ERC2: variants seen among roughly 807,000 people sequenced by gnomAD.
The protein encoded by ERC2 is ELKS/RAB6-interacting/CAST family member 2.
ERC2 carries 42 observed loss-of-function variants against 114.8 expected under a neutral mutation model. The observed-to-expected ratio is 0.37, with a 90% CI of 0.29 to 0.47. The LOEUF is 0.47. ERC2 is among the 20% of genes least tolerant of loss of function. ERC2 has a pLI of 0.99. For missense variants in ERC2, 939 were observed against 1,150.7 expected (o/e 0.82, Z 2.66); for synonymous variants, 454 against 425.5 (o/e 1.07, Z -0.82).
chr3:56,243,759 T>C (rs1013087435), intron 3 of ERC2, among the ~76,000 whole-genome samples: 4 of 152,208 alleles, frequency 2.6e-5, no homozygotes, highest in Non-Finnish European at 5.9e-5. Context: ...GTATTGTCCA[T>C]GCTCTATAAG....
At chr3:55,928,841 C>T (rs976344606) in intron 13 of ERC2, among the ~76,000 whole-genome samples, 5 of 152,120 alleles carry the variant, frequency 3.3e-5, no homozygotes, top group Non-Finnish European at 5.9e-5. Context: ...TCCAGTTTTC[C>T]CAGCACCATT....
At chr3:56,293,715 G>A (rs2150352313) in intron 3 of ERC2, among the ~76,000 whole-genome samples, 1 of 152,344 alleles carries the variant, frequency 6.6e-6, no homozygotes, top group Non-Finnish European at 1.5e-5. Context: ...GTATTGGTCT[G>A]CACTTTCTGT....
chr3:55,583,387 T>TTCCTTCCTTCTTTCCTTCC (rs1559692058), intron 17 of ERC2, among the ~76,000 whole-genome samples: 1 of 127,682 alleles, frequency 7.8e-6, no homozygotes, highest in African/African-American at 3.4e-5. Flanking sequence ...TCCTTCTTTC[T>TTCCTTCCTTCTTTCCTTCC]TTCCTTCCTT....
chr3:55,977,984 T>C (rs1045067723), intron 12 of ERC2, among the ~76,000 whole-genome samples: 13 of 152,314 alleles, frequency 8.5e-5, no homozygotes, highest in Admixed American at 2.6e-4. Context: ...CTTGCACAGA[T>C]ATCATATTAT....
intron 3 of ERC2, among the ~76,000 whole-genome samples, chr3:56,219,020 G>T (rs548812183): frequency 1.3e-5 from 2 of 152,104 alleles, no homozygotes; most frequent in Non-Finnish European, 2.9e-5. Flanking sequence ...ATAGCATCAG[G>T]AGATATACCT....
At chr3:55,961,894 T>C (rs1214157044) in intron 12 of ERC2, among the ~76,000 whole-genome samples, 2 of 150,842 alleles carry the variant, frequency 1.3e-5, no homozygotes, top group African/African-American at 2.4e-5. Flanking sequence ...GACTGATTCT[T>C]CACATTGACT....
At chr3:56,312,843 A>C (rs1288692518) in intron 2 of ERC2, among the ~76,000 whole-genome samples, 2 of 151,264 alleles carry the variant, frequency 1.3e-5, no homozygotes, top group Non-Finnish European at 1.5e-5. Context: ...CTGGTTCCTA[A>C]TTAGCCTAAT....
At chr3:56,192,161 C>T (rs2047829460) in intron 3 of ERC2, among the ~76,000 whole-genome samples, 1 of 152,108 alleles carries the variant, frequency 6.6e-6, no homozygotes, top group African/African-American at 2.4e-5. Context: ...ATTCTTCATG[C>T]ATGAATATAG....
intron 10 of ERC2, among the ~76,000 whole-genome samples, chr3:56,001,403 C>T (rs1576516371): frequency 6.6e-6 from 1 of 152,184 alleles, no homozygotes. Flanking sequence ...CATCATGCTG[C>T]ATCCCTATCA....
At position 56,300,037 on chromosome 3, in the gene ERC2, C is replaced by T. The variant is rs1315534746; in HGVS notation, c.658-3602G>A. Reference sequence around the variant, plus strand: ...TTATTGCCCTGATCCTTTGTCCCCACATCTACGCAGTGGGGATAATCATAA... The same window carrying T: ...TTATTGCCCTGATCCTTTGTCCCCATATCTACGCAGTGGGGATAATCATAA... On this transcript the variant is annotated intron_variant, in intron 2 of 17. Transcript: ENST00000288221. 2.0e-5 allele frequency among the ~76,000 whole-genome samples: 3 copies of T among 152,150 alleles called. No homozygotes were observed. The East Asian group carries it at 5.8e-4, about 29-fold the overall frequency.
At chr3:56,136,557 T>C (rs1232922056) in intron 6 of ERC2, among the ~76,000 whole-genome samples, 2 of 152,154 alleles carry the variant, frequency 1.3e-5, no homozygotes, top group African/African-American at 2.4e-5. Flanking sequence ...TTGTAGGGCA[T>C]AATGAAACAC....
At chr3:55,868,719 G>A (rs536931498) in intron 14 of ERC2, among the ~76,000 whole-genome samples, 5 of 152,310 alleles carry the variant, frequency 3.3e-5, no homozygotes, top group South Asian at 2.1e-4. Context: ...GCAGAGGCCC[G>A]TTTTGGCTGA....
At chr3:55,972,925 AC>A (rs1438398772) in intron 12 of ERC2, among the ~76,000 whole-genome samples, 2 of 152,198 alleles carry the variant, frequency 1.3e-5, no homozygotes, top group African/African-American at 4.8e-5. Context: ...TCAAGTGCAA[AC>A]AATGAGAAAA....
intron 3 of ERC2, among the ~76,000 whole-genome samples, chr3:56,231,465 A>G (rs879617707): frequency 1.3e-5 from 2 of 152,230 alleles, no homozygotes; most frequent in Non-Finnish European, 2.9e-5. Flanking sequence ...CTCAGAAGCC[A>G]CCACCTGCCA....
chr3:55,910,477 T>C (rs2064738173), intron 13 of ERC2, among the ~76,000 whole-genome samples: 2 of 152,150 alleles, frequency 1.3e-5, no homozygotes, highest in South Asian at 4.1e-4. Flanking sequence ...TATATGTATA[T>C]ATGTAGACAT....
At chr3:56,242,815 G>A (rs2051413946) in intron 3 of ERC2, among the ~76,000 whole-genome samples, 1 of 152,112 alleles carries the variant, frequency 6.6e-6, no homozygotes, top group African/African-American at 2.4e-5. Flanking sequence ...GTTGTAGGCT[G>A]GTCTTACTCT....
chr3:56,070,968 T>C (rs1457064526), intron 7 of ERC2, among the ~76,000 whole-genome samples: 1 of 152,188 alleles, frequency 6.6e-6, no homozygotes, highest in Non-Finnish European at 1.5e-5. Flanking sequence ...GAAGTCCTCC[T>C]TATTCATCCC....
chr3:56,439,892 T>A (rs917804265), intron 1 of ERC2, among the ~76,000 whole-genome samples: 1 of 152,176 alleles, frequency 6.6e-6, no homozygotes, highest in Non-Finnish European at 1.5e-5. Context: ...CCTTGCTGTT[T>A]TTATTTTGAA....
At chr3:56,282,601 T>C (rs1182674990) in intron 3 of ERC2, among the ~76,000 whole-genome samples, 2 of 151,936 alleles carry the variant, frequency 1.3e-5, no homozygotes, top group Non-Finnish European at 2.9e-5. Context: ...CTACATCTCA[T>C]AGAGTTGTTC....
Sources: allele counts gnomAD v4.1 joint callset (sites outside exome capture counted in the v4.1 genomes callset), GRCh38; gene constraint gnomAD v4.1.1; transcripts MANE v1.5; gene names NCBI Gene and HGNC (gene_info 2026-07-23, HGNC 2026-07-21).